The following EML6 variants were observed in gnomAD, a reference collection of about 807,000 sequenced individuals.
The protein encoded by EML6 is echinoderm microtubule-associated protein-like 6.
A neutral mutation model predicts 240.1 loss-of-function variants in EML6; 154 were observed. That is an observed-to-expected ratio of 0.64 (90% CI 0.56 to 0.73). The LOEUF is 0.73. EML6 is among the 30% of genes least tolerant of loss of function. The pLI is 0.00. For synonymous variants in EML6, 1,148 were observed against 899.0 expected (o/e 1.28, Z -4.95); for missense variants, 2,964 against 2,474.6 (o/e 1.20, Z -4.20).
At chr2:54,842,259 A>G (rs536823622) in intron 7 of EML6, among the ~76,000 whole-genome samples, 1 of 152,320 alleles carries the variant, frequency 6.6e-6, no homozygotes, top group East Asian at 1.9e-4. Context: ...TCTCTGCCCC[A>G]GATTTTTAAT....
intron 28 of EML6, among the ~76,000 whole-genome samples, chr2:54,935,200 T>C (rs968571737): frequency 4.6e-5 from 7 of 152,218 alleles, no homozygotes; most frequent in Admixed American, 6.5e-5. Context: ...TACCACCATG[T>C]ACCTTTGAAA....
At chr2:54,804,791 G>C (rs2567972) in intron 2 of EML6, among the ~76,000 whole-genome samples, 35,164 of 152,002 alleles carry the variant, frequency 0.23, 4,403 homozygotes, top group East Asian at 0.32. Context: ...GTTCTCTCTG[G>C]TGGTTACTTC....
Position 54,962,609 on chromosome 2 carries a change from C to T in EML6, c.5055C>T (p.His1685=). 1.9e-6 allele frequency: 3 copies of T among 1,549,056 alleles called. No individual in the cohort carries two copies. In the South Asian group the frequency reaches 3.6e-5, roughly 19 times the overall value. Residue 1685 remains histidine (H), a synonymous_variant, in exon 36 of 42, where the codon CAC becomes CAT. Transcript: ENST00000356458. ...CTTCTAACATCCTGATTGATGGTCACATGGAAGGGGAGATCTGGGGCCTGG... is the reference window on the plus strand; with the variant it reads ...CTTCTAACATCCTGATTGATGGTCATATGGAAGGGGAGATCTGGGGCCTGG... The part of the protein sequence containing the change: ...NAASNILIDG[H]MEGEIWGLAT...
chr2:54,797,186 A>AAAACAAAAAAAAAAC, intron 2 of EML6, among the ~76,000 whole-genome samples: 1 of 149,396 alleles, frequency 6.7e-6, no homozygotes. Flanking sequence ...AAAAAAAAAA[A>AAAACAAAAAAAAAAC]AAACTGTGAT....
chr2:54,858,441 TTAAGATC>T (rs1321921606), intron 11 of EML6, among the ~76,000 whole-genome samples: 1 of 152,166 alleles, frequency 6.6e-6, no homozygotes, highest in African/African-American at 2.4e-5. Context: ...GGCCAACACT[TTAAGATC>T]TAAAGAGAGT....
intron 28 of EML6, among the ~76,000 whole-genome samples, chr2:54,934,851 C>T (rs895988851): frequency 3.9e-5 from 6 of 152,068 alleles, no homozygotes; most frequent in African/African-American, 1.4e-4. Flanking sequence ...ATGCCCAGCT[C>T]AAAAAATATA....
chr2:54,865,660 G>C (rs1670933157), intron 13 of EML6, among the ~76,000 whole-genome samples: 1 of 152,132 alleles, frequency 6.6e-6, no homozygotes, highest in African/African-American at 2.4e-5. Flanking sequence ...CAACCAGTAA[G>C]TATAATGCAA....
intron 2 of EML6, among the ~76,000 whole-genome samples, chr2:54,778,352 G>C (rs1027226339): frequency 1.3e-5 from 2 of 152,180 alleles, no homozygotes; most frequent in African/African-American, 4.8e-5. Flanking sequence ...AGGAGGAAGA[G>C]AGAAGGGGGA....
At chr2:54,843,538 G>C (rs773359407) in intron 7 of EML6, among the ~76,000 whole-genome samples, 2 of 152,066 alleles carry the variant, frequency 1.3e-5, no homozygotes, top group Non-Finnish European at 2.9e-5. Context: ...AACATCCAGC[G>C]CTTGTAAGAA....
chr2:54,740,897 A>G (rs930131366), intron 2 of EML6, among the ~76,000 whole-genome samples: 4 of 152,174 alleles, frequency 2.6e-5, no homozygotes, highest in African/African-American at 2.4e-5. Context: ...CTTGAGTGAA[A>G]TTCAGTTTCT....
chr2:54,798,451 G>A (rs958134111), intron 2 of EML6, among the ~76,000 whole-genome samples: 1 of 152,106 alleles, frequency 6.6e-6, no homozygotes, highest in Non-Finnish European at 1.5e-5. Context: ...GGGATTACAG[G>A]CGTGAGCGAC....
intron 2 of EML6, among the ~76,000 whole-genome samples, chr2:54,727,643 G>T (rs1452866358): frequency 6.6e-6 from 1 of 152,184 alleles, no homozygotes; most frequent in Non-Finnish European, 1.5e-5. Context: ...TAATGCAAAA[G>T]TGTTTTGGTT....
At chr2:54,856,132 A>G (rs909857045) in intron 11 of EML6, among the ~76,000 whole-genome samples, 1 of 152,240 alleles carries the variant, frequency 6.6e-6, no homozygotes, top group South Asian at 2.1e-4. Context: ...CTGCTACTGT[A>G]CTATGTTTAC....
chr2:54,812,856 T>TA (rs1484482963), intron 2 of EML6, among the ~76,000 whole-genome samples: 9 of 151,658 alleles, frequency 5.9e-5, no homozygotes, highest in Non-Finnish European at 8.8e-5. Flanking sequence ...TAACAACATT[T>TA]AAAAAAAAAT....
intron 17 of EML6, among the ~76,000 whole-genome samples, chr2:54,890,626 C>T (rs1023808339): frequency 2.0e-5 from 3 of 152,148 alleles, no homozygotes; most frequent in Admixed American, 6.5e-5. Context: ...ATGCTTTCCA[C>T]AGCAAGAGTG....
chr2:54,786,536 T>C (rs1374018099), intron 2 of EML6, among the ~76,000 whole-genome samples: 3 of 152,080 alleles, frequency 2.0e-5, no homozygotes, highest in Non-Finnish European at 4.4e-5. Flanking sequence ...TGGGTTGTGG[T>C]GAAGGAAGAA....
At chr2:54,829,287 A>G (rs1255777114) in intron 6 of EML6, 55 bp from the exon 7 acceptor site, 10 of 1,500,816 alleles carry the variant, frequency 6.7e-6, no homozygotes, top group African/African-American at 4.2e-5. Context: ...AACTGTATCT[A>G]TTCATTATAC....
chr2:54,892,710 G>C, intron 19 of EML6, 54 bp downstream of exon 19: 1 of 1,410,594 alleles, frequency 7.1e-7, no homozygotes, highest in Non-Finnish European at 9.7e-7. Context: ...AAAATTATAA[G>C]GTAGTCTTAG....
chr2:54,815,398 T>G (rs916899076), intron 3 of EML6, among the ~76,000 whole-genome samples: 1 of 152,196 alleles, frequency 6.6e-6, no homozygotes, highest in Non-Finnish European at 1.5e-5. Context: ...TGACAAATGG[T>G]CCATCACCTC....
Sources: allele counts gnomAD v4.1 joint callset (sites outside exome capture counted in the v4.1 genomes callset), GRCh38; gene constraint gnomAD v4.1.1; transcripts MANE v1.5; gene names NCBI Gene and HGNC (gene_info 2026-07-23, HGNC 2026-07-21).